Variants in PRIM2 observed in about 807,000 individuals in gnomAD.
PRIM2 encodes the protein DNA primase large subunit.
A neutral mutation model predicts 67.3 loss-of-function variants in PRIM2; 39 were observed. The observed-to-expected ratio is 0.58, with a 90% CI of 0.45 to 0.76. PRIM2 has a LOEUF of 0.76. PRIM2 is among the 30% of genes least tolerant of loss of function. The pLI, the probability that PRIM2 is intolerant of heterozygous loss-of-function variation, is 0.00. For synonymous variants in PRIM2, 143 were observed against 198.7 expected (o/e 0.72, Z 2.36); for missense variants, 398 against 598.7 (o/e 0.66, Z 3.50).
intron 3 of PRIM2, among the ~76,000 whole-genome samples, chr6:57,322,457 T>C (rs2127271237): frequency 6.6e-6 from 1 of 152,218 alleles, no homozygotes; most frequent in East Asian, 1.9e-4. Flanking sequence ...AATTGAATCA[T>C]GGGGGTGGTT....
In PRIM2 at chr6:57,556,467, A is replaced by G. The variant is rs1775515867; in HGVS notation, c.1020+18842A>G. 2.0e-5 allele frequency among the ~76,000 whole-genome samples: 3 copies of G among 152,340 alleles called. No homozygotes were observed. In the East Asian group the frequency reaches 5.8e-4, roughly 29 times the overall value. ...CATAGACCAATGGAACAGAATAGAA[A>G]GCCCAGAAATAAGGCTGCACACCTA... On this transcript the variant is annotated intron_variant, in intron 10 of 13. Transcript: ENST00000615550.
At chr6:57,279,810 A>G in the PRIM2 span, among the ~76,000 whole-genome samples, 2 of 152,166 alleles carry the variant, frequency 1.3e-5, no homozygotes, top group Admixed American at 6.5e-5. Context: ...CAGCCAAAGT[A>G]TGGTACTATG....
At chr6:57,450,367 A>C (rs1333401664) in intron 7 of PRIM2, among the ~76,000 whole-genome samples, 4 of 152,190 alleles carry the variant, frequency 2.6e-5, no homozygotes, top group Non-Finnish European at 5.9e-5. Context: ...TTACTAAAGA[A>C]TTCATTGCTT....
chr6:57,282,078 TG>T, the PRIM2 span, among the ~76,000 whole-genome samples: 1 of 152,168 alleles, frequency 6.6e-6, no homozygotes, highest in Non-Finnish European at 1.5e-5. Context: ...AGCCCCTCTG[TG>T]TGTTCCTTTT....
chr6:57,626,442 T>A lies in PRIM2; in HGVS notation c.1231-5691T>A, dbSNP rs1776950105. ...CATCACTGATTAAATTAGAAAAATATCACCTTATTTGCTTTTTGCTCCTCA... is the reference window on the plus strand; with the variant it reads ...CATCACTGATTAAATTAGAAAAATAACACCTTATTTGCTTTTTGCTCCTCA... On this transcript the variant is annotated intron_variant, in intron 12 of 13. Coordinates refer to ENST00000615550, the MANE Select transcript of PRIM2 (RefSeq NM_000947.5). Among the ~76,000 whole-genome samples, 9 of 152,150 alleles carry A rather than the reference T, an allele frequency of 5.9e-5. No homozygotes were observed. The South Asian group carries it at 1.9e-3, about 31-fold the overall frequency.
the PRIM2 span, among the ~76,000 whole-genome samples, chr6:57,264,800 C>A: frequency 2.6e-5 from 4 of 151,896 alleles, no homozygotes; most frequent in Non-Finnish European, 5.9e-5. Context: ...GTTTCACCAT[C>A]TTGGCCAAGA....
the PRIM2 span, among the ~76,000 whole-genome samples, chr6:57,303,967 C>G: frequency 9.2e-5 from 14 of 152,232 alleles, no homozygotes; most frequent in East Asian, 2.1e-3. Flanking sequence ...GGGGGAAAAA[C>G]ATCCAAATTG....
At chr6:57,622,392 C>T (rs1375270979) in intron 12 of PRIM2, among the ~76,000 whole-genome samples, 9 of 152,042 alleles carry the variant, frequency 5.9e-5, no homozygotes, top group African/African-American at 1.9e-4. Context: ...GTTGAGTATT[C>T]GAGTGATTAG....
At chr6:57,553,841 T>G in intron 10 of PRIM2, among the ~76,000 whole-genome samples, 1 of 152,332 alleles carries the variant, frequency 6.6e-6, no homozygotes, top group Non-Finnish European at 1.5e-5. Flanking sequence ...TGGCCACATG[T>G]GAGTTCAAGT....
intron 7 of PRIM2, among the ~76,000 whole-genome samples, chr6:57,469,783 T>C (rs2127401121): frequency 6.6e-6 from 1 of 152,346 alleles, no homozygotes; most frequent in Non-Finnish European, 1.5e-5. Context: ...TTTTAATTTC[T>C]GTTTTATCTC....
intron 7 of PRIM2, among the ~76,000 whole-genome samples, chr6:57,471,985 G>A (rs1773346418): frequency 6.6e-6 from 1 of 152,014 alleles, no homozygotes; most frequent in Non-Finnish European, 1.5e-5. Flanking sequence ...TGAGATACGC[G>A]GTTTTTTTTT....
chr6:57,351,634 A>T lies in PRIM2; in HGVS notation c.459+25589A>T, dbSNP rs565921687. On this transcript the variant is annotated intron_variant, in intron 5 of 13. Coordinates refer to ENST00000615550, the MANE Select transcript of PRIM2 (RefSeq NM_000947.5). ...CAAGAGTAGTGTAATGTTAGTAATG[A>T]TAGTGAACATAAAAAAAAAGGAGTA... 4.6e-4 allele frequency among the ~76,000 whole-genome samples: 70 copies of T among 152,206 alleles called. 1 individual carries two copies. In the East Asian group the frequency reaches 0.012, roughly 26 times the overall value.
chr6:57,428,369 A>G (rs1771702243), intron 7 of PRIM2, among the ~76,000 whole-genome samples: 1 of 152,246 alleles, frequency 6.6e-6, no homozygotes, highest in African/African-American at 2.4e-5. Flanking sequence ...TAACAAACAG[A>G]CATTAGTGTG....
the PRIM2 span, among the ~76,000 whole-genome samples, chr6:57,273,637 AT>A: frequency 2.0e-5 from 3 of 152,208 alleles, no homozygotes; most frequent in African/African-American, 7.2e-5. Flanking sequence ...CGTCAAAGTC[AT>A]TCTCCATCCA....
chr6:57,418,752 C>G (rs532381956), intron 7 of PRIM2, among the ~76,000 whole-genome samples: 1 of 152,070 alleles, frequency 6.6e-6, no homozygotes, highest in South Asian at 2.1e-4. Context: ...TCACGATTGC[C>G]TCCTCAGTCC....
the PRIM2 span, among the ~76,000 whole-genome samples, chr6:57,241,686 G>GTTTTTTTT: frequency 2.3e-5 from 1 of 43,076 alleles, no homozygotes; most frequent in African/African-American, 6.9e-5. Context: ...GCAGAACTAT[G>GTTTTTTTT]TATTTTTTTT....
intron 10 of PRIM2, among the ~76,000 whole-genome samples, chr6:57,539,510 C>T (rs1775090742): frequency 6.6e-6 from 1 of 151,212 alleles, no homozygotes; most frequent in Admixed American, 6.6e-5. Flanking sequence ...ATAACAGAGT[C>T]AAATAGCTAA....
intron 10 of PRIM2, among the ~76,000 whole-genome samples, chr6:57,541,682 C>T (rs1443422989): frequency 1.3e-5 from 2 of 152,046 alleles, no homozygotes; most frequent in East Asian, 3.9e-4. Context: ...GCTTTGAGAC[C>T]CAGGAAGAGG....
At position 57,507,458 on chromosome 6, in the gene PRIM2, A is replaced by G. The variant is rs1774273271; in HGVS notation, c.761+4A>G. 2 of 1,484,584 alleles carry G rather than the reference A, an allele frequency of 1.3e-6. No individual in the cohort carries two copies. Among genetic ancestry groups the G allele is most frequent in the Admixed American group, 2.0e-5 (1 of 49,226 alleles). The allele number at this position is 1,484,584 out of a possible 1,614,324, so 92.0% of individuals were successfully genotyped here. A position where few individuals can be genotyped will look rare whatever the true frequency, so the allele number is the denominator to read the frequency against. On this transcript the variant is annotated splice_donor_region_variant and intron_variant, in intron 8 of 13. Transcript: ENST00000615550. ...AGCCTCTGCTCAATCACCTCAGGTA[A>G]TATAAGGGCACAGCCTTGTTATGCT... is the stretch of plus-strand genomic sequence containing the variant.
Sources: allele counts gnomAD v4.1 joint callset (sites outside exome capture counted in the v4.1 genomes callset), GRCh38; gene constraint gnomAD v4.1.1; transcripts MANE v1.5; gene names NCBI Gene and HGNC (gene_info 2026-07-23, HGNC 2026-07-21).